The following SWAP70 variants were observed in gnomAD, a reference collection of about 807,000 sequenced individuals.
SWAP70 encodes the protein switching B cell complex subunit SWAP70, also known as switch-associated protein 70.
SWAP70 carries 34 observed loss-of-function variants against 80.2 expected under a neutral mutation model. The ratio of observed to expected loss-of-function variants is 0.42; its 90% CI spans 0.32 to 0.56. The LOEUF is 0.56. Ranked by LOEUF, SWAP70 falls within the 20% of genes least tolerant of loss-of-function variation. SWAP70 has a pLI of 0.09. For missense variants in SWAP70, 578 were observed against 690.7 expected (o/e 0.84, Z 1.83); for synonymous variants, 239 against 238.5 (o/e 1.00, Z -0.02).
At chr11:9,690,297 C>T (rs1464804292) in intron 1 of SWAP70, among the ~76,000 whole-genome samples, 2 of 151,978 alleles carry the variant, frequency 1.3e-5, no homozygotes, top group Non-Finnish European at 2.9e-5. Context: ...AAAAGAAAAC[C>T]TTGGTAAGGT....
chr11:9,730,846 C>T (rs528936923), intron 6 of SWAP70, among the ~76,000 whole-genome samples: 9 of 152,102 alleles, frequency 5.9e-5, no homozygotes, highest in East Asian at 5.8e-4. Context: ...TGTGTAATGC[C>T]GAAGTTTGGG....
intron 7 of SWAP70, among the ~76,000 whole-genome samples, chr11:9,735,633 T>C (rs1328700717): frequency 1.3e-5 from 2 of 152,162 alleles, no homozygotes; most frequent in African/African-American, 2.4e-5. Flanking sequence ...AGAAAAAGTG[T>C]TCTAGGGTTT....
intron 1 of SWAP70, 32 bp downstream of exon 1, chr11:9,664,310 A>G (rs781520793): frequency 1.3e-6 from 2 of 1,527,994 alleles, no homozygotes; most frequent in Non-Finnish European, 1.8e-6. Flanking sequence ...CCCCCACCCG[A>G]CCCTCCCCGG....
chr11:9,682,920 C>G (rs1018743955), intron 1 of SWAP70, among the ~76,000 whole-genome samples: 2 of 152,184 alleles, frequency 1.3e-5, no homozygotes, highest in East Asian at 3.8e-4. Flanking sequence ...GAAGTGATCA[C>G]CTGCCTTGGC....
intron 1 of SWAP70, among the ~76,000 whole-genome samples, chr11:9,666,590 T>C: frequency 6.6e-6 from 1 of 152,204 alleles, no homozygotes; most frequent in Non-Finnish European, 1.5e-5. Flanking sequence ...TCATATTTAT[T>C]AATCTACATA....
At chr11:9,707,995 G>A (rs1410128609) in intron 2 of SWAP70, among the ~76,000 whole-genome samples, 1 of 152,172 alleles carries the variant, frequency 6.6e-6, no homozygotes, top group Non-Finnish European at 1.5e-5. Flanking sequence ...CCCAAGAAGT[G>A]TACCCTGCAC....
chr11:9,673,828 G>A (rs1196540373), intron 1 of SWAP70, among the ~76,000 whole-genome samples: 17 of 151,992 alleles, frequency 1.1e-4, no homozygotes, highest in African/African-American at 4.1e-4. Flanking sequence ...AAAGGAGCAG[G>A]CGAAAAAAGG....
At chr11:9,671,811 A>AAT (rs1171571686) in intron 1 of SWAP70, among the ~76,000 whole-genome samples, 1 of 97,216 alleles carries the variant, frequency 1.0e-5, no homozygotes, top group African/African-American at 4.4e-5. Context: ...TATAAATATA[A>AAT]ATATATAAAT....
chr11:9,735,698 C>T (rs58468060), intron 7 of SWAP70, among the ~76,000 whole-genome samples: 11,774 of 152,274 alleles, frequency 0.077, 601 homozygotes, highest in African/African-American at 0.13. Flanking sequence ...TTGATAATAT[C>T]TTGGTGAGAA....
At chr11:9,685,794 C>T (rs957574008) in intron 1 of SWAP70, among the ~76,000 whole-genome samples, 7 of 152,064 alleles carry the variant, frequency 4.6e-5, no homozygotes, top group African/African-American at 7.2e-5. Context: ...CCACCACGCC[C>T]GGCTAATTTT....
chr11:9,733,475 G>A (rs1038055641), intron 7 of SWAP70, among the ~76,000 whole-genome samples: 5 of 152,300 alleles, frequency 3.3e-5, no homozygotes, highest in South Asian at 2.1e-4. Context: ...TTGGTAACCC[G>A]TAGAAATGCC....
At chr11:9,679,423 T>A (rs987952201) in intron 1 of SWAP70, among the ~76,000 whole-genome samples, 1 of 152,188 alleles carries the variant, frequency 6.6e-6, no homozygotes, top group Admixed American at 6.5e-5. Flanking sequence ...TTCTTTCAGT[T>A]CCTAGGGTGA....
rs389534 is a variant in SWAP70, at chr11:9,724,289, T to G, written c.415-369T>G. On this transcript the variant is annotated intron_variant, in intron 3 of 11. Coordinates refer to ENST00000318950, the MANE Select transcript of SWAP70 (RefSeq NM_015055.4). ...ACATATTACTTTGAGATGTTTAATT[T>G]AGCGCTTGTTTGTTGAGTAAGACTA... 6.6e-5 allele frequency among the ~76,000 whole-genome samples: 10 copies of G among 152,180 alleles called. No homozygotes were observed. The East Asian group carries it at 1.7e-3, about 26-fold the overall frequency.
At chr11:9,705,884 A>G (rs1444507775) in intron 2 of SWAP70, among the ~76,000 whole-genome samples, 8 of 22,030 alleles carry the variant, frequency 3.6e-4, no homozygotes, top group African/African-American at 8.7e-4. Flanking sequence ...TGATCTGTAT[A>G]CACTGGTGAT....
intron 2 of SWAP70, among the ~76,000 whole-genome samples, chr11:9,711,025 T>TTATTTTC (rs1850991111): frequency 1.3e-5 from 2 of 151,200 alleles, no homozygotes; most frequent in African/African-American, 4.8e-5. Context: ...TATTTATTTT[T>TTATTTTC]GTATTGTTAT....
chr11:9,688,995 T>C (rs1314882735), intron 1 of SWAP70, among the ~76,000 whole-genome samples: 1 of 152,174 alleles, frequency 6.6e-6, no homozygotes, highest in East Asian at 1.9e-4. Context: ...AGACAGGAAT[T>C]TTAATGTTTT....
In SWAP70 at chr11:9,752,055, A is replaced by G. The variant is rs533575634; in HGVS notation, c.*2085A>G. The G allele has an allele frequency of 1.3e-5, 2 of 152,348 alleles. No individual in the cohort carries two copies. Among genetic ancestry groups the G allele is most frequent in the Admixed American group, 1.3e-4 (2 of 15,302 alleles). 9.4% of individuals were successfully genotyped at this position (152,348 alleles called of 1,614,324 possible). A position where few individuals can be genotyped will look rare whatever the true frequency, so the allele number is the denominator to read the frequency against. On this transcript the variant is annotated 3_prime_UTR_variant, in exon 12 of 12. Coordinates refer to ENST00000318950, the MANE Select transcript of SWAP70 (RefSeq NM_015055.4). ...AGACTCCAGTATCCCTCATTCCAGA[A>G]TGAGGAAAAAGTATTCTACAAAGAA...
intron 9 of SWAP70, chr11:9,741,036 C>A (rs967572827): frequency 8.5e-5 from 13 of 153,306 alleles, no homozygotes; most frequent in African/African-American, 3.1e-4. Context: ...TTTAAGGTGT[C>A]TGGGATGGGA....
chr11:9,674,677 TA>T (rs1474744124), intron 1 of SWAP70, among the ~76,000 whole-genome samples: 1 of 151,330 alleles, frequency 6.6e-6, no homozygotes, highest in Non-Finnish European at 1.5e-5. Flanking sequence ...CAAAAATAAA[TA>T]AATAGGCTGG....
Sources: gnomAD v4.1 joint callset for allele counts (sites outside exome capture counted in the v4.1 genomes callset) on GRCh38, gnomAD v4.1.1 for gene constraint, MANE v1.5 for transcripts, NCBI Gene and HGNC (gene_info 2026-07-23, HGNC 2026-07-21) for gene names.